Variants in ROCK2 observed in about 807,000 individuals in gnomAD.
The protein encoded by ROCK2 is Rho associated coiled-coil containing protein kinase 2, also known as rho-associated protein kinase 2.
In ROCK2, 61 loss-of-function variants were observed where a neutral mutation model predicts 195.1. The ratio of observed to expected loss-of-function variants is 0.31; its 90% CI spans 0.25 to 0.39. The LOEUF (loss-of-function observed/expected upper bound fraction) is 0.39, where lower values mean the gene tolerates loss of function less well. Among genes scored for constraint, ROCK2 ranks in the 10% least tolerant of loss-of-function variants. The probability of loss-of-function intolerance (pLI) is 1.00; values close to 1 mark genes in which losing one functional copy is unlikely to be tolerated. For missense variants in ROCK2, 1,109 were observed against 1,637.4 expected (o/e 0.68, Z 5.57); for synonymous variants, 504 against 545.5 (o/e 0.92, Z 1.06).
At chr2:11,234,498 A>G (rs1665134565) in intron 5 of ROCK2, 1 of 152,134 alleles carries the variant, frequency 6.6e-6, no homozygotes, top group Non-Finnish European at 1.5e-5. Flanking sequence ...TAATCATTTC[A>G]CACTATATTA....
At chr2:11,210,219 A>G (rs544014936) in intron 18 of ROCK2, among the ~76,000 whole-genome samples, 1 of 151,616 alleles carries the variant, frequency 6.6e-6, no homozygotes, top group South Asian at 2.1e-4. Context: ...TTATCAATTC[A>G]GAGAATAATC....
chr2:11,312,908 T>C (rs1668079843), intron 1 of ROCK2, among the ~76,000 whole-genome samples: 1 of 152,074 alleles, frequency 6.6e-6, no homozygotes, highest in Non-Finnish European at 1.5e-5. Flanking sequence ...TTATATGACA[T>C]TCTGGAAAAG....
At chr2:11,242,341 C>A (rs1422118959) in intron 4 of ROCK2, among the ~76,000 whole-genome samples, 1 of 151,994 alleles carries the variant, frequency 6.6e-6, no homozygotes, top group Admixed American at 6.6e-5. Flanking sequence ...TTATGAATTA[C>A]TATTCATCAA....
Position 11,207,728 on chromosome 2 carries a change from T to G in ROCK2, c.2547A>C (p.Arg849=), listed in dbSNP as rs536005557. 1.8e-4 allele frequency: 285 copies of G among 1,602,548 alleles called. 2 individuals carry two copies. The South Asian group carries it at 3.0e-3, about 17-fold the overall frequency. The change falls in exon 20 of 33, where the codon CGA becomes CGC. Residue 849 remains arginine, a splice_region_variant and synonymous_variant. Coordinates refer to ENST00000315872, the MANE Select transcript of ROCK2 (RefSeq NM_004850.5). ...AACATCTCAATCAATTAACTTACTT[T>G]CGAAGTTCAGCATTTTGTTTTTCCA... ...MNLEKQNAEL[R]KERQDADGQM...
intron 32 of ROCK2, among the ~76,000 whole-genome samples, chr2:11,190,299 T>A (rs1314725213): frequency 6.6e-6 from 1 of 151,688 alleles, no homozygotes; most frequent in Admixed American, 6.6e-5. Flanking sequence ...TTACCGTTGC[T>A]ATGACAAAAT....
intron 1 of ROCK2, among the ~76,000 whole-genome samples, chr2:11,341,991 A>G (rs1477466066): frequency 6.6e-6 from 1 of 152,236 alleles, no homozygotes; most frequent in African/African-American, 2.4e-5. Flanking sequence ...TAAAAATGGT[A>G]AATTCTGTAT....
Position 11,235,004 on chromosome 2 carries a change from T to C in ROCK2, c.723+698A>G, listed in dbSNP as rs1265940390. On this transcript the variant is annotated intron_variant, in intron 5 of 32. Coordinates refer to ENST00000315872, the MANE Select transcript of ROCK2 (RefSeq NM_004850.5). The surrounding 1 kb of genome is among the most constrained non-coding windows in gnomAD (Gnocchi z 4.2). The stretch of plus-strand genomic sequence containing the variant: ...TGAAATACAGTTTGCTGTCAATATA[T>C]ATTAACATTTATAAGTCGACTCCTA... 6.6e-6 allele frequency among the ~76,000 whole-genome samples: 1 copy of C among 152,148 alleles called. No homozygotes were observed. Among genetic ancestry groups the C allele is most frequent in the Non-Finnish European group, 1.5e-5 (1 of 67,996 alleles).
At chr2:11,231,009 C>A (rs963439811) in intron 5 of ROCK2, among the ~76,000 whole-genome samples, 2 of 151,902 alleles carry the variant, frequency 1.3e-5, no homozygotes, top group Non-Finnish European at 2.9e-5. Context: ...TTAGCAAATA[C>A]ATATTTAATA....
intron 3 of ROCK2, among the ~76,000 whole-genome samples, chr2:11,280,974 G>A (rs1666981532): frequency 6.6e-6 from 1 of 151,974 alleles, no homozygotes; most frequent in African/African-American, 2.4e-5. Context: ...AATGAACACA[G>A]ATGCAAAAAT....
intron 11 of ROCK2, 79 bp downstream of exon 11, chr2:11,218,376 A>G (rs1357054386): frequency 9.4e-7 from 1 of 1,065,172 alleles, no homozygotes; most frequent in Non-Finnish European, 1.4e-6. Flanking sequence ...AATGCTAGGT[A>G]GGATATGACT....
At chr2:11,286,061 A>G (rs913435378) in intron 3 of ROCK2, among the ~76,000 whole-genome samples, 4 of 150,788 alleles carry the variant, frequency 2.7e-5, no homozygotes, top group Non-Finnish European at 5.9e-5. Context: ...AAACAGGAAT[A>G]CGAGATTAGG....
rs1217670473 is a variant in ROCK2 at position 11,207,758 on chromosome 2, C to T, written c.2517G>A (p.Met839Ile). The change falls in exon 20 of 33, where the codon ATG becomes ATA. Residue 839 changes from methionine (M) to isoleucine (I), a missense_variant. Transcript: ENST00000315872. ...GTTCAGCATTTTGTTTTTCCAAGTT[C>T]ATTTTCATTTCCATGAGATGGTTAT... is the stretch of plus-strand genomic sequence containing the variant. ...QENNHLMEMKMNLEKQNAELR... is the reference protein window; with the variant it reads ...QENNHLMEMKINLEKQNAELR... 1.2e-6 allele frequency: 2 copies of T among 1,604,802 alleles called. No individual in the cohort carries two copies. Among genetic ancestry groups the T allele is most frequent in the South Asian group, 1.1e-5 (1 of 89,582 alleles).
At chr2:11,288,108 T>C (rs1558362295) in intron 1 of ROCK2, among the ~76,000 whole-genome samples, 1 of 152,236 alleles carries the variant, frequency 6.6e-6, no homozygotes, top group Non-Finnish European at 1.5e-5. Context: ...AAACCTGCAT[T>C]AATGTTGTGC....
chr2:11,249,632 A>C, intron 4 of ROCK2, 29 bp downstream of exon 4: 1 of 1,432,702 alleles, frequency 7.0e-7, no homozygotes, highest in African/African-American at 1.4e-5. Flanking sequence ...AAAAAAAGGA[A>C]ATAAACTTAT....
At chr2:11,210,449 C>T (rs1230084986) in intron 18 of ROCK2, among the ~76,000 whole-genome samples, 1 of 151,808 alleles carries the variant, frequency 6.6e-6, no homozygotes, top group Non-Finnish European at 1.5e-5. Context: ...TGCAGGAATA[C>T]TGAGAGTCCT....
intron 1 of ROCK2, among the ~76,000 whole-genome samples, chr2:11,312,601 T>C (rs1213969523): frequency 6.6e-6 from 1 of 152,180 alleles, no homozygotes; most frequent in Non-Finnish European, 1.5e-5. Flanking sequence ...ATTCATCTTT[T>C]TTCCATGTAT....
intron 32 of ROCK2, among the ~76,000 whole-genome samples, chr2:11,184,188 G>T (rs1165192169): frequency 6.6e-6 from 1 of 152,094 alleles, no homozygotes; most frequent in South Asian, 2.1e-4. Context: ...ACACAAAAAT[G>T]CCAAATCAGA....
chr2:11,214,792 AAAT>A (rs781452102), intron 16 of ROCK2, 45 bp downstream of exon 16: 1 of 1,525,012 alleles, frequency 6.6e-7, no homozygotes, highest in African/African-American at 1.4e-5. Flanking sequence ...GTTATTTTTA[AAAT>A]AAGAATCATC....
In ROCK2 at chr2:11,216,219, A is replaced by G; in HGVS notation, c.1413-13T>C. ...AGTATTAACAGATCTAAAGAATTTCAGAAAGAAACAGTAAATAACTTCTAA... is the reference window on the plus strand; with the variant it reads ...AGTATTAACAGATCTAAAGAATTTCGGAAAGAAACAGTAAATAACTTCTAA... On this transcript the variant is annotated splice_polypyrimidine_tract_variant and intron_variant, in intron 12 of 32. Coordinates refer to ENST00000315872, the MANE Select transcript of ROCK2 (RefSeq NM_004850.5). The G allele has an allele frequency of 6.4e-7, 1 of 1,572,634 alleles. No individual in the cohort carries two copies. Among genetic ancestry groups the G allele is most frequent in the East Asian group, 2.2e-5 (1 of 44,586 alleles).
Sources: allele counts gnomAD v4.1 joint callset (sites outside exome capture counted in the v4.1 genomes callset), GRCh38; gene constraint gnomAD v4.1.1; non-coding constraint Gnocchi (gnomAD v3.1); transcripts MANE v1.5; gene names NCBI Gene and HGNC (gene_info 2026-07-23, HGNC 2026-07-21).